The following FRMPD4 variants were observed in gnomAD, a reference collection of about 807,000 sequenced individuals.
FRMPD4 encodes the protein FERM and PDZ domain-containing protein 4.
In FRMPD4, 22 loss-of-function variants were observed where a neutral mutation model predicts 94.1. The ratio of observed to expected loss-of-function variants is 0.23; its 90% CI spans 0.17 to 0.33. The LOEUF (loss-of-function observed/expected upper bound fraction) is 0.33, where lower values mean the gene tolerates loss of function less well. FRMPD4 is among the 10% of genes least tolerant of loss of function. The probability of loss-of-function intolerance (pLI) is 1.00; values close to 1 mark genes in which losing one functional copy is unlikely to be tolerated. For synonymous variants in FRMPD4, 631 were observed against 548.6 expected, an observed-to-expected ratio of 1.15 and a Z score of -2.10; for missense variants, 1,111 against 1,339.9, an observed-to-expected ratio of 0.83 and a Z score of 2.67.
intron 1 of FRMPD4, among the ~76,000 whole-genome samples, chrX:12,399,244 G>T (rs5933997): frequency 0.24 from 26,270 of 110,864 alleles, 2,599 homozygotes; most frequent in Non-Finnish European, 0.31. Context: ...GTTCCCTGGG[G>T]TATACTTAGT....
At chrX:12,101,010 T>C (rs1324757992) in intron 3 of FRMPD4, among the ~76,000 whole-genome samples, 1 of 112,288 alleles carries the variant, frequency 8.9e-6, no homozygotes, top group Non-Finnish European at 1.9e-5. Context: ...GCAAACTTTA[T>C]AGTCACTTCA....
At chrX:12,149,583 T>G (rs2055819355) in intron 1 of FRMPD4, among the ~76,000 whole-genome samples, 1 of 112,361 alleles carries the variant, frequency 8.9e-6, no homozygotes, top group East Asian at 2.8e-4. Flanking sequence ...TTGCTTCTTA[T>G]GGATGAGCAA....
At chrX:12,274,224 A>C (rs1000871144) in intron 1 of FRMPD4, among the ~76,000 whole-genome samples, 2 of 111,106 alleles carry the variant, frequency 1.8e-5, no homozygotes, top group Non-Finnish European at 3.8e-5. Context: ...GCACAAATCC[A>C]GGTTTTATGG....
chrX:12,070,127 G>A (rs1055052124), intron 3 of FRMPD4, among the ~76,000 whole-genome samples: 1 of 110,590 alleles, frequency 9.0e-6, no homozygotes, highest in African/African-American at 3.3e-5. Context: ...ATAGAGAGGG[G>A]GAAATTGAGG....
intron 4 of FRMPD4, among the ~76,000 whole-genome samples, chrX:12,666,737 G>A (rs1293378332): frequency 9.0e-6 from 1 of 111,559 alleles, no homozygotes; most frequent in Non-Finnish European, 1.9e-5. Flanking sequence ...TGAGAACAAA[G>A]ACACAAGACA....
chrX:12,073,706 G>A (rs1470404643), intron 3 of FRMPD4, among the ~76,000 whole-genome samples: 1 of 112,183 alleles, frequency 8.9e-6, no homozygotes, highest in Admixed American at 9.5e-5. Context: ...CCAATCTGAT[G>A]TGTGTGAAAA....
At chrX:12,179,040 T>C (rs1181649130) in intron 1 of FRMPD4, among the ~76,000 whole-genome samples, 1 of 112,128 alleles carries the variant, frequency 8.9e-6, no homozygotes, top group Non-Finnish European at 1.9e-5. Flanking sequence ...CACTCATCTG[T>C]CTGCATTCAT....
At chrX:12,599,578 A>G (rs1162497493) in intron 2 of FRMPD4, among the ~76,000 whole-genome samples, 2 of 111,932 alleles carry the variant, frequency 1.8e-5, no homozygotes, top group African/African-American at 6.5e-5. Context: ...GAAATATGCC[A>G]TTCCCCACCA....
At chrX:12,263,802 A>T (rs111583809) in intron 1 of FRMPD4, among the ~76,000 whole-genome samples, 2,213 of 110,046 alleles carry the variant, frequency 0.02, 33 homozygotes, top group African/African-American at 0.054. Flanking sequence ...AAAAAAAAAA[A>T]TTTTTCACAG....
chrX:12,348,589 G>GAAAAA (rs35385075), intron 1 of FRMPD4, among the ~76,000 whole-genome samples: 1 of 66,101 alleles, frequency 1.5e-5, no homozygotes. Flanking sequence ...ATGCTTCCAG[G>GAAAAA]AAAAAAAAAA....
chrX:12,276,186 A>T (rs1466468510), intron 1 of FRMPD4, among the ~76,000 whole-genome samples: 1 of 112,747 alleles, frequency 8.9e-6, no homozygotes, highest in Non-Finnish European at 1.9e-5. Flanking sequence ...GACATATATT[A>T]AACTTAACTT....
chrX:11,840,002 A>G (rs775859082), intron 1 of FRMPD4, among the ~76,000 whole-genome samples: 1 of 111,733 alleles, frequency 8.9e-6, no homozygotes, highest in African/African-American at 3.2e-5. Context: ...TAAGTTTTGA[A>G]ATTGGATATG....
chrX:12,417,642 T>A (rs1260241321), intron 1 of FRMPD4, among the ~76,000 whole-genome samples: 1 of 109,900 alleles, frequency 9.1e-6, no homozygotes, highest in East Asian at 2.8e-4. Context: ...TTTTTTATTA[T>A]CTTGATGATC....
intron 13 of FRMPD4, chrX:12,708,880 G>C (rs1392521466): frequency 8.8e-6 from 1 of 113,777 alleles, no homozygotes; most frequent in African/African-American, 3.3e-5. Flanking sequence ...GTGGAGCTCA[G>C]ACATGCTGGC....
chrX:12,479,151 T>G (rs1269428903), intron 1 of FRMPD4, among the ~76,000 whole-genome samples: 1 of 110,342 alleles, frequency 9.1e-6, no homozygotes, highest in Non-Finnish European at 1.9e-5. Flanking sequence ...ATTTATGATT[T>G]TTCCCCTTTA....
At chrX:12,211,453 A>G (rs1300536258) in intron 1 of FRMPD4, among the ~76,000 whole-genome samples, 1 of 112,361 alleles carries the variant, frequency 8.9e-6, no homozygotes, top group Non-Finnish European at 1.9e-5. Context: ...GTTGGCTTCT[A>G]TCTGCATGTT....
chrX:11,995,306 T>C (rs1388559938), intron 3 of FRMPD4, among the ~76,000 whole-genome samples: 1 of 111,892 alleles, frequency 8.9e-6, no homozygotes, highest in Non-Finnish European at 1.9e-5. Flanking sequence ...TCCTGACATC[T>C]GTTTCTTCAC....
chrX:12,530,725 G>A (rs1371276994), intron 2 of FRMPD4, among the ~76,000 whole-genome samples: 2 of 111,546 alleles, frequency 1.8e-5, no homozygotes, highest in African/African-American at 3.3e-5. Context: ...CTATCTCAGG[G>A]GAATAGAAGT....
chrX:12,595,704 G>T (rs1321125809), intron 2 of FRMPD4, among the ~76,000 whole-genome samples: 1 of 112,023 alleles, frequency 8.9e-6, no homozygotes, highest in Non-Finnish European at 1.9e-5. Context: ...ATTTTGAAGG[G>T]TCCATAAAAT....
Sources: allele counts gnomAD v4.1 joint callset (sites outside exome capture counted in the v4.1 genomes callset), GRCh38; gene constraint gnomAD v4.1.1; transcripts MANE v1.5; gene names NCBI Gene and HGNC (gene_info 2026-07-23, HGNC 2026-07-21).